Variants in GNG2 observed in about 807,000 individuals in gnomAD.
GNG2 encodes the protein G protein subunit gamma 2.
Under a neutral mutation model 5.5 loss-of-function variants are expected in GNG2, and 5 were observed. The observed-to-expected ratio is 0.91, with a 90% CI of 0.48 to 1.92. The LOEUF (loss-of-function observed/expected upper bound fraction) is 1.92. Among genes scored for constraint, GNG2 ranks in the 30% most tolerant of loss-of-function variants. GNG2 has a pLI of 0.01. For missense variants in GNG2, 55 were observed against 88.4 expected (o/e 0.62, Z 1.52); for synonymous variants, 28 against 32.0 (o/e 0.88, Z 0.42).
chr14:51,949,636 C>G (rs1888857712), intron 2 of GNG2, among the ~76,000 whole-genome samples: 1 of 152,072 alleles, frequency 6.6e-6, no homozygotes, highest in Non-Finnish European at 1.5e-5. Context: ...AATCAAAGCA[C>G]TTAGGTTTTG....
chr14:51,927,825 G>A (rs944866038), intron 2 of GNG2, among the ~76,000 whole-genome samples: 5 of 152,142 alleles, frequency 3.3e-5, no homozygotes, highest in African/African-American at 9.7e-5. Context: ...GTAAAGGAAG[G>A]CTGAAAATTT....
chr14:51,946,180 A>G (rs939797807), intron 2 of GNG2, among the ~76,000 whole-genome samples: 10 of 152,184 alleles, frequency 6.6e-5, no homozygotes, highest in Admixed American at 6.5e-4. Flanking sequence ...TCTACAAGGA[A>G]ATGAGCTTCA....
intron 2 of GNG2, among the ~76,000 whole-genome samples, chr14:51,879,117 C>T (rs151005672): frequency 2.6e-5 from 4 of 152,204 alleles, no homozygotes; most frequent in Non-Finnish European, 4.4e-5. Context: ...TGTCTTTGCA[C>T]ACAAATTTAA....
chr14:51,908,527 G>GATCGATCT (rs1555353479), intron 2 of GNG2, among the ~76,000 whole-genome samples: 1 of 149,574 alleles, frequency 6.7e-6, no homozygotes, highest in African/African-American at 2.5e-5. Context: ...ATATTTTAAA[G>GATCGATCT]ATCTATCTAT....
chr14:51,905,665 T>G (rs533489928), intron 2 of GNG2, among the ~76,000 whole-genome samples: 2 of 152,230 alleles, frequency 1.3e-5, no homozygotes, highest in South Asian at 2.1e-4. Context: ...GGTGATATGG[T>G]TTGGCTGTGT....
chr14:51,833,921 A>T (rs1343155890), intron 2 of GNG2, among the ~76,000 whole-genome samples: 1 of 152,234 alleles, frequency 6.6e-6, no homozygotes, highest in Non-Finnish European at 1.5e-5. Context: ...TAGGGGTCAT[A>T]CAGTGTTTCC....
intron 2 of GNG2, among the ~76,000 whole-genome samples, chr14:51,854,812 C>T (rs923359989): frequency 2.0e-5 from 3 of 152,168 alleles, no homozygotes; most frequent in South Asian, 2.1e-4. Context: ...CGCACCCGGC[C>T]GGCCGTGGCT....
intron 2 of GNG2, among the ~76,000 whole-genome samples, chr14:51,844,322 A>G (rs912101604): frequency 2.0e-5 from 3 of 152,210 alleles, no homozygotes; most frequent in South Asian, 4.1e-4. Context: ...CATCTCATAT[A>G]TGGTTCAAAC....
chr14:51,910,221 A>C (rs780529042), intron 2 of GNG2, among the ~76,000 whole-genome samples: 4 of 152,180 alleles, frequency 2.6e-5, no homozygotes, highest in Non-Finnish European at 5.9e-5. Context: ...CTGCAGGATG[A>C]ATTTGAGGTC....
intron 2 of GNG2, among the ~76,000 whole-genome samples, chr14:51,908,728 C>A (rs1043312041): frequency 3.3e-5 from 3 of 92,198 alleles, no homozygotes; most frequent in Admixed American, 2.6e-4. Context: ...CGCCACCACA[C>A]CCAGCTAATT....
chr14:51,861,429 G>A (rs747838153), intron 1 of GNG2: 2 of 152,206 alleles, frequency 1.3e-5, no homozygotes, highest in Non-Finnish European at 2.9e-5. Context: ...GTTCAAAGGA[G>A]CGTGGCGGGT....
At chr14:51,875,449 A>G (rs1286063381) in intron 1 of GNG2, among the ~76,000 whole-genome samples, 1 of 152,212 alleles carries the variant, frequency 6.6e-6, no homozygotes, top group Non-Finnish European at 1.5e-5. Context: ...TTAGCTTAGA[A>G]TTCTATTAAA....
chr14:51,847,135 C>T (rs540116641), intron 2 of GNG2: 2 of 152,392 alleles, frequency 1.3e-5, no homozygotes, highest in South Asian at 2.1e-4. Flanking sequence ...AACAAACGCC[C>T]GTTGGCATCA....
upstream of GNG2, among the ~76,000 whole-genome samples, chr14:51,857,908 C>T (rs1212600838): frequency 6.6e-6 from 1 of 152,128 alleles, no homozygotes; most frequent in African/African-American, 2.4e-5. Flanking sequence ...AAGGAACATC[C>T]AGCTAGAAAG....
At chr14:51,928,865 G>A (rs1387937243) in intron 2 of GNG2, among the ~76,000 whole-genome samples, 3 of 151,988 alleles carry the variant, frequency 2.0e-5, no homozygotes, top group South Asian at 2.1e-4. Flanking sequence ...GAGCCACCGC[G>A]CCTGGCCGGG....
At chr14:51,956,328 G>C (rs1162824584) in intron 3 of GNG2, among the ~76,000 whole-genome samples, 2 of 152,140 alleles carry the variant, frequency 1.3e-5, no homozygotes, top group Non-Finnish European at 2.9e-5. Context: ...TAACCTGGGG[G>C]CCTACTGCTT....
chr14:51,886,975 T>G (rs949352329), intron 2 of GNG2, among the ~76,000 whole-genome samples: 2 of 152,196 alleles, frequency 1.3e-5, no homozygotes, highest in African/African-American at 4.8e-5. Context: ...AATGGCAGTA[T>G]TTCCAAAAAG....
At chr14:51,880,733 G>A (rs1883993350) in intron 2 of GNG2, among the ~76,000 whole-genome samples, 1 of 152,038 alleles carries the variant, frequency 6.6e-6, no homozygotes, top group African/African-American at 2.4e-5. Context: ...TGCTAAAACT[G>A]GGAGAATCCG....
chr14:51,865,517 A>G (rs1882817249), intron 1 of GNG2, among the ~76,000 whole-genome samples: 1 of 152,210 alleles, frequency 6.6e-6, no homozygotes. Flanking sequence ...GTAGAGCTAA[A>G]AATGATCTGG....
Sources: gnomAD v4.1 joint callset for allele counts (sites outside exome capture counted in the v4.1 genomes callset) on GRCh38, gnomAD v4.1.1 for gene constraint, MANE v1.5 for transcripts, NCBI Gene and HGNC (gene_info 2026-07-23, HGNC 2026-07-21) for gene names.